RYR2: variants seen among roughly 807,000 people sequenced by gnomAD.
RYR2 encodes cardiac muscle ryanodine receptor-calcium release channel.
RYR2 carries 227 observed loss-of-function variants against 601.1 expected under a neutral mutation model. The observed-to-expected ratio is 0.38, with a 90% confidence interval of 0.34 to 0.42. The LOEUF is 0.42. Ranked by LOEUF, RYR2 falls within the 10% of genes least tolerant of loss-of-function variation. The probability of loss-of-function intolerance (pLI) is 1.00; values close to 1 mark genes in which losing one functional copy is unlikely to be tolerated. For synonymous variants in RYR2, 2,223 were observed against 2,175.1 expected, an observed-to-expected ratio of 1.02 and a Z score of -0.61; for missense variants, 4,646 against 6,156.5, an observed-to-expected ratio of 0.75 and a Z score of 8.21.
chr1:237,679,692 C>A (rs1246189467), intron 61 of RYR2, among the ~76,000 whole-genome samples: 2 of 152,164 alleles, frequency 1.3e-5, no homozygotes, highest in Non-Finnish European at 2.9e-5. Flanking sequence ...CCCACGCATA[C>A]AATGTAAAAT....
rs546104189 is a variant in RYR2 at position 237,630,907 on chromosome 1, A to C, written c.6441-520A>C. ...TACTCAGTTTCTCTTGGAGAATATG[A>C]ATCCTTTTAAGTATTTGTCAGAATG... On this transcript the variant is annotated intron_variant, in intron 41 of 104. Coordinates refer to ENST00000366574, the MANE Select transcript of RYR2 (RefSeq NM_001035.3). Among the ~76,000 whole-genome samples the C allele has an allele frequency of 3.3e-5, 5 of 152,296 alleles. No individual in the cohort carries two copies. In the South Asian group the frequency reaches 6.2e-4, roughly 19 times the overall value.
intron 1 of RYR2, among the ~76,000 whole-genome samples, chr1:237,226,497 G>A (rs1261027362): frequency 6.6e-6 from 1 of 152,152 alleles, no homozygotes; most frequent in Non-Finnish European, 1.5e-5. Context: ...AAACACCTCA[G>A]ATCTCAAACC....
At chr1:237,621,512 C>A (rs1405902135) in intron 38 of RYR2, among the ~76,000 whole-genome samples, 1 of 151,958 alleles carries the variant, frequency 6.6e-6, no homozygotes, top group Non-Finnish European at 1.5e-5. Context: ...TCTAAAACAA[C>A]TGAAAAAGAA....
intron 51 of RYR2, 84 bp downstream of exon 51, chr1:237,651,585 A>G: frequency 1.1e-6 from 1 of 875,164 alleles, no homozygotes; most frequent in Non-Finnish European, 1.8e-6. Context: ...TTTCTTAGAT[A>G]CATCATGCTT....
chr1:237,812,748 A>G (rs541005363), intron 100 of RYR2, among the ~76,000 whole-genome samples: 2 of 152,262 alleles, frequency 1.3e-5, no homozygotes, highest in East Asian at 3.9e-4. Flanking sequence ...TGCTGGACAA[A>G]TAATTCATGC....
chr1:237,609,495 G>A (rs187508640), intron 35 of RYR2, among the ~76,000 whole-genome samples: 204 of 152,000 alleles, frequency 1.3e-3, no homozygotes, highest in African/African-American at 4.5e-3. Flanking sequence ...TCAGCCTCCT[G>A]AGTATTTGGG....
chr1:237,310,498 C>T (rs1694439111), intron 2 of RYR2, among the ~76,000 whole-genome samples: 1 of 152,144 alleles, frequency 6.6e-6, no homozygotes, highest in Non-Finnish European at 1.5e-5. Context: ...TACCTGTGAA[C>T]ATGTAATTGA....
At chr1:237,232,281 G>C (rs1047445861) in intron 1 of RYR2, among the ~76,000 whole-genome samples, 2 of 152,176 alleles carry the variant, frequency 1.3e-5, no homozygotes, top group East Asian at 3.9e-4. Context: ...ACCCCGGGGA[G>C]GGGGAGAGGG....
intron 33 of RYR2, among the ~76,000 whole-genome samples, chr1:237,594,730 T>G (rs910452200): frequency 6.6e-6 from 1 of 151,854 alleles, no homozygotes; most frequent in African/African-American, 2.4e-5. Context: ...CTTGCCTGGC[T>G]TTAGCCTTTT....
In RYR2 at chr1:237,441,492, A is replaced by G; in HGVS notation, c.1170+9A>G. 6.9e-7 allele frequency: 1 copy of G among 1,454,576 alleles called. No individual in the cohort carries two copies. The highest frequency in any genetic ancestry group is 9.1e-7 in the Non-Finnish European group (1 of 1,096,334). The allele number at this position is 1,454,576 out of a possible 1,614,324, so 90.1% of individuals were successfully genotyped here. Reference sequence around the variant, plus strand: ...GATCTATACAACGTAAGGTAAGGTGATAGAAAAAAACATAATTTATAGAAG... The same window carrying G: ...GATCTATACAACGTAAGGTAAGGTGGTAGAAAAAAACATAATTTATAGAAG... On this transcript the variant is annotated intron_variant, in intron 13 of 104. Coordinates refer to ENST00000366574, the MANE Select transcript of RYR2 (RefSeq NM_001035.3).
intron 1 of RYR2, among the ~76,000 whole-genome samples, chr1:237,200,689 T>C (rs1681094967): frequency 6.6e-6 from 1 of 152,318 alleles, no homozygotes; most frequent in African/African-American, 2.4e-5. Flanking sequence ...GGTGAGCAAA[T>C]TGATACTTTG....
chr1:237,518,890 A>G (rs1666821441), intron 24 of RYR2, among the ~76,000 whole-genome samples: 1 of 152,102 alleles, frequency 6.6e-6, no homozygotes, highest in Admixed American at 6.5e-5. Context: ...AGTGCATAAG[A>G]GTTCCCTTTT....
intron 1 of RYR2, among the ~76,000 whole-genome samples, chr1:237,064,720 GTTTTTGT>G (rs1389482900): frequency 3.3e-4 from 1 of 3,056 alleles, no homozygotes; most frequent in African/African-American, 6.5e-4. Flanking sequence ...GCAGTTTTTT[GTTTTTGT>G]TTTTTGTTTT....
At position 237,499,425 on chromosome 1, in the gene RYR2, G is replaced by C. The variant is rs538659809; in HGVS notation, c.2204-1286G>C. On this transcript the variant is annotated intron_variant, in intron 20 of 104. Coordinates refer to ENST00000366574, the MANE Select transcript of RYR2 (RefSeq NM_001035.3). ...GAAAGATGGGTACAGGTTTCTAATA[G>C]AGGGTCTATAAAGCTATCGTATCCC... 1.8e-3 allele frequency among the ~76,000 whole-genome samples: 278 copies of C among 152,282 alleles called. 2 individuals are homozygous for C. The highest frequency in any genetic ancestry group is 6.4e-3 in the African/African-American group (264 of 41,568).
chr1:237,631,771 G>C (rs531274341), intron 42 of RYR2, among the ~76,000 whole-genome samples: 3 of 151,552 alleles, frequency 2.0e-5, no homozygotes, highest in Admixed American at 2.0e-4. Flanking sequence ...GGGATTAGAG[G>C]CGCCCGCCAC....
intron 1 of RYR2, among the ~76,000 whole-genome samples, chr1:237,111,493 G>C (rs1353003354): frequency 2.0e-5 from 3 of 151,784 alleles, no homozygotes; most frequent in Admixed American, 2.0e-4. Flanking sequence ...GAGACTGTGG[G>C]AGGAGAATCG....
intron 1 of RYR2, among the ~76,000 whole-genome samples, chr1:237,238,303 C>G (rs1484754192): frequency 6.6e-6 from 1 of 152,068 alleles, no homozygotes; most frequent in Admixed American, 6.6e-5. Context: ...ATCTTTGAGT[C>G]CACCTATGAC....
At chr1:237,556,467 A>AT (rs34327081) in intron 27 of RYR2, among the ~76,000 whole-genome samples, 43,856 of 139,352 alleles carry the variant, frequency 0.31, 7,151 homozygotes, top group Middle Eastern at 0.41. Context: ...GGCCCGGCTA[A>AT]TTTTTTTTTT....
At chr1:237,738,464 A>G (rs1691332773) in intron 79 of RYR2, among the ~76,000 whole-genome samples, 1 of 152,160 alleles carries the variant, frequency 6.6e-6, no homozygotes, top group Non-Finnish European at 1.5e-5. Context: ...CCACACAAAG[A>G]AACCATCATT....
Sources: allele counts gnomAD v4.1 joint callset (sites outside exome capture counted in the v4.1 genomes callset), GRCh38; gene constraint gnomAD v4.1.1; transcripts MANE v1.5; gene names NCBI Gene and HGNC (gene_info 2026-07-23, HGNC 2026-07-21).